The following MARCHF8 variants were observed in gnomAD, a reference collection of about 807,000 sequenced individuals.
MARCHF8 encodes membrane associated ring-CH-type finger 8.
A neutral mutation model predicts 51.6 loss-of-function variants in MARCHF8; 40 were observed. The observed-to-expected ratio is 0.77, with a 90% CI of 0.60 to 1.01. The LOEUF (loss-of-function observed/expected upper bound fraction) is 1.01. MARCHF8 is among the 50% of genes least tolerant of loss of function. The pLI, the probability that MARCHF8 is intolerant of heterozygous loss-of-function variation, is 0.00. For missense variants in MARCHF8, 685 were observed against 708.6 expected (o/e 0.97, Z 0.38); for synonymous variants, 263 against 280.3 (o/e 0.94, Z 0.62).
chr10:45,534,054 G>A (rs999909063), intron 1 of MARCHF8, among the ~76,000 whole-genome samples: 2 of 152,058 alleles, frequency 1.3e-5, no homozygotes, highest in African/African-American at 4.8e-5. Context: ...ATGGTGGCGG[G>A]CGCCTGTAGT....
chr10:45,527,116 TTA>T (rs1216411114), intron 2 of MARCHF8, among the ~76,000 whole-genome samples: 6 of 152,090 alleles, frequency 3.9e-5, no homozygotes, highest in Non-Finnish European at 8.8e-5. Context: ...CAGCAAAAGC[TTA>T]TAGTGTTGAC....
At chr10:45,504,897 A>G (rs971868094) in intron 2 of MARCHF8, among the ~76,000 whole-genome samples, 1 of 152,166 alleles carries the variant, frequency 6.6e-6, no homozygotes, top group African/African-American at 2.4e-5. Context: ...AGGGGCTTAT[A>G]CTGAGTGGCC....
chr10:45,455,296 C>T lies in MARCHF8; in HGVS notation c.*2943G>A, dbSNP rs527670525. 2.0e-5 allele frequency: 3 copies of T among 152,374 alleles called. No homozygotes were observed. In the South Asian group the frequency reaches 6.2e-4, roughly 32 times the overall value. 9.4% of individuals were successfully genotyped at this position (152,374 alleles called of 1,614,324 possible). A position where few individuals can be genotyped will look rare whatever the true frequency, so the allele number is the denominator to read the frequency against. ...AGGAAGAGACCTTTTATAGAGTTTT[C>T]AGGAAATTCTCACAATAAACTTGGG... On this transcript the variant is annotated 3_prime_UTR_variant, in exon 8 of 8. Coordinates refer to ENST00000453424, the MANE Select transcript of MARCHF8 (RefSeq NM_001282866.2).
At chr10:45,594,302 T>C (rs1297974680) in exon 1 of MARCHF8, 4 of 152,152 alleles carry the variant, frequency 2.6e-5, no homozygotes, top group African/African-American at 4.8e-5. Flanking sequence ...ACGTGGAAGG[T>C]CCTCACGGAT....
intron 1 of MARCHF8, among the ~76,000 whole-genome samples, chr10:45,576,511 G>T (rs1235181291): frequency 6.6e-6 from 1 of 152,106 alleles, no homozygotes; most frequent in African/African-American, 2.4e-5. Flanking sequence ...CCCCCTCATG[G>T]TGTTAGAATA....
intron 1 of MARCHF8, among the ~76,000 whole-genome samples, chr10:45,550,556 C>T (rs2133336499): frequency 6.6e-6 from 1 of 152,332 alleles, no homozygotes; most frequent in East Asian, 1.9e-4. Flanking sequence ...CAAGCATATT[C>T]TCCACATACT....
At chr10:45,505,469 C>T (rs571138193) in intron 2 of MARCHF8, among the ~76,000 whole-genome samples, 1 of 152,338 alleles carries the variant, frequency 6.6e-6, no homozygotes, top group South Asian at 2.1e-4. Context: ...TTAATCAATA[C>T]CACAGGCTTG....
intron 1 of MARCHF8, among the ~76,000 whole-genome samples, chr10:45,534,181 C>T (rs2043937386): frequency 7.4e-6 from 1 of 135,680 alleles, no homozygotes; most frequent in Non-Finnish European, 1.6e-5. Flanking sequence ...AGACTCCAAC[C>T]CCCCAACCTC....
chr10:45,554,255 T>C (rs1589172541), intron 1 of MARCHF8, among the ~76,000 whole-genome samples: 1 of 152,172 alleles, frequency 6.6e-6, no homozygotes, highest in Admixed American at 6.5e-5. Flanking sequence ...AGAACCAAAA[T>C]TTTTAGCATG....
chr10:45,570,365 A>G (rs1045430094), intron 1 of MARCHF8, among the ~76,000 whole-genome samples: 7 of 152,198 alleles, frequency 4.6e-5, no homozygotes, highest in African/African-American at 1.4e-4. Context: ...TCACATATAA[A>G]AGGCAATTTC....
chr10:45,586,526 A>T (rs2044620252), intron 1 of MARCHF8, among the ~76,000 whole-genome samples: 1 of 152,062 alleles, frequency 6.6e-6, no homozygotes, highest in South Asian at 2.1e-4. Context: ...TCATACAGTA[A>T]GTGCATGTTT....
intron 3 of MARCHF8, among the ~76,000 whole-genome samples, chr10:45,468,017 G>A (rs1165511327): frequency 6.6e-6 from 1 of 151,982 alleles, no homozygotes; most frequent in Non-Finnish European, 1.5e-5. Flanking sequence ...TTCTTCAGAT[G>A]TTGTAATTAA....
intron 1 of MARCHF8, among the ~76,000 whole-genome samples, chr10:45,582,001 G>C (rs1323795074): frequency 6.6e-6 from 1 of 151,458 alleles, no homozygotes; most frequent in Non-Finnish European, 1.5e-5. Context: ...TTATAATTTG[G>C]TTAAAGTAAT....
chr10:45,536,485 CTATAA>C (rs1189840719), upstream of MARCHF8, among the ~76,000 whole-genome samples: 1 of 151,872 alleles, frequency 6.6e-6, no homozygotes, highest in Non-Finnish European at 1.5e-5. Flanking sequence ...TGGTTCACAC[CTATAA>C]TCCCAGAACT....
At chr10:45,534,925 T>C (rs2043950379) in intron 1 of MARCHF8, among the ~76,000 whole-genome samples, 2 of 151,994 alleles carry the variant, frequency 1.3e-5, no homozygotes, top group South Asian at 4.2e-4. Context: ...CTAGAATCAA[T>C]GAACAACAAA....
intron 1 of MARCHF8, among the ~76,000 whole-genome samples, chr10:45,555,777 A>C (rs143021786): frequency 2.2e-4 from 34 of 151,752 alleles, no homozygotes; most frequent in African/African-American, 6.0e-4. Context: ...AAAAGAAAAG[A>C]GTATGTGTTT....
rs1842584258 is a variant in MARCHF8, at chr10:45,455,809, T to C, written c.*2430A>G. The C allele has an allele frequency of 6.6e-6, 1 of 152,344 alleles. No individual in the cohort carries two copies. Among genetic ancestry groups the C allele is most frequent in the South Asian group, 2.1e-4 (1 of 4,828 alleles). The allele number at this position is 152,344 out of a possible 1,614,324, so 9.4% of individuals were successfully genotyped here. A position where few individuals can be genotyped will look rare whatever the true frequency, so the allele number is the denominator to read the frequency against. On this transcript the variant is annotated 3_prime_UTR_variant, in exon 8 of 8. Transcript: ENST00000453424. ...GAGAGGAAAGAAGAATGTGTGTGGA[T>C]TGTCCACAGTGAGGCCAGAAACGAT...
chr10:45,532,414 C>T lies in MARCHF8; in HGVS notation c.102+696G>A, dbSNP rs187553324. Among the ~76,000 whole-genome samples the T allele has an allele frequency of 1.4e-3, 209 of 152,294 alleles. 6 individuals are homozygous for T. The East Asian group carries it at 0.027, about 19-fold the overall frequency. On this transcript the variant is annotated intron_variant, in intron 2 of 7. Coordinates refer to ENST00000453424, the MANE Select transcript of MARCHF8 (RefSeq NM_001282866.2). ...CTAAATGTTTATGTTTCCCACAAAA[C>T]TTTTATGCCAGAACTCTAATCCATA... is the stretch of plus-strand genomic sequence containing the variant.
intron 2 of MARCHF8, among the ~76,000 whole-genome samples, chr10:45,515,456 G>A (rs1272691799): frequency 1.3e-5 from 2 of 152,176 alleles, no homozygotes; most frequent in African/African-American, 4.8e-5. Context: ...CAACAAACAA[G>A]TTCCCCAAGT....
Sources: allele counts gnomAD v4.1 joint callset (sites outside exome capture counted in the v4.1 genomes callset), GRCh38; gene constraint gnomAD v4.1.1; transcripts MANE v1.5; gene names NCBI Gene and HGNC (gene_info 2026-07-23, HGNC 2026-07-21).